The following WWOX variants were observed in gnomAD, a reference collection of about 807,000 sequenced individuals.
The protein encoded by WWOX is WW domain containing oxidoreductase.
A neutral mutation model predicts 46.2 loss-of-function variants in WWOX; 69 were observed. That is an observed-to-expected ratio of 1.49 (90% CI 1.23 to 1.82). The LOEUF (loss-of-function observed/expected upper bound fraction) is 1.82, where lower values mean the gene tolerates loss of function less well. Ranked by LOEUF, WWOX falls within the 40% of genes most tolerant of loss-of-function variation. The pLI is 0.00. For synonymous variants in WWOX, 359 were observed against 202.6 expected (o/e 1.77, Z -6.56); for missense variants, 919 against 542.6 (o/e 1.69, Z -6.89).
intron 5 of WWOX, among the ~76,000 whole-genome samples, chr16:78,193,509 C>A (rs1213482478): frequency 6.1e-5 from 1 of 16,458 alleles, no homozygotes; most frequent in African/African-American, 5.9e-4. Flanking sequence ...TCAGTCACCC[C>A]ATTAACCACA....
intron 8 of WWOX, among the ~76,000 whole-genome samples, chr16:78,461,484 A>G (rs2083947903): frequency 6.6e-6 from 1 of 152,236 alleles, no homozygotes; most frequent in African/African-American, 2.4e-5. Flanking sequence ...CATAGGTGGG[A>G]CTGCTGATCT....
intron 5 of WWOX, among the ~76,000 whole-genome samples, chr16:78,265,626 TGA>T (rs2079345914): frequency 2.7e-5 from 4 of 150,892 alleles, no homozygotes; most frequent in Admixed American, 6.6e-5. Context: ...TGCAGTCAGC[TGA>T]GATTGTGCCG....
chr16:78,441,815 G>A (rs955691673), intron 8 of WWOX, among the ~76,000 whole-genome samples: 2 of 152,008 alleles, frequency 1.3e-5, no homozygotes, highest in Non-Finnish European at 2.9e-5. Flanking sequence ...TATTGTTATT[G>A]GCTTGCAGTA....
At chr16:78,476,962 A>T (rs2667554) in intron 8 of WWOX, among the ~76,000 whole-genome samples, 1 of 146,888 alleles carries the variant, frequency 6.8e-6, no homozygotes. Flanking sequence ...CCTCTTTTTC[A>T]CCCTTTTATT....
chr16:78,588,934 C>G (rs116488637), intron 8 of WWOX, among the ~76,000 whole-genome samples: 3 of 152,194 alleles, frequency 2.0e-5, no homozygotes, highest in African/African-American at 7.2e-5. Flanking sequence ...CAGTTCCCTC[C>G]TTTGTTTCTT....
intron 8 of WWOX, among the ~76,000 whole-genome samples, chr16:78,846,886 G>C (rs1020794000): frequency 6.6e-6 from 1 of 152,156 alleles, no homozygotes; most frequent in African/African-American, 2.4e-5. Flanking sequence ...ATGGAAGGCT[G>C]TTTCTTCTTC....
intron 8 of WWOX, among the ~76,000 whole-genome samples, chr16:78,519,709 C>G (rs951315360): frequency 6.6e-6 from 1 of 151,978 alleles, no homozygotes; most frequent in Non-Finnish European, 1.5e-5. Context: ...CTTTATAAAA[C>G]AGACCCAAGA....
At chr16:78,543,298 C>G (rs1316643702) in intron 8 of WWOX, among the ~76,000 whole-genome samples, 6 of 152,158 alleles carry the variant, frequency 3.9e-5, no homozygotes, top group East Asian at 1.9e-4. Flanking sequence ...CTAGGCCAGT[C>G]ACGTGGCCCT....
intron 6 of WWOX, among the ~76,000 whole-genome samples, chr16:78,411,668 T>G (rs1226178013): frequency 6.6e-6 from 1 of 152,200 alleles, no homozygotes; most frequent in Non-Finnish European, 1.5e-5. Context: ...AGTATTTTAA[T>G]AAGTTTAACT....
chr16:78,157,936 C>G (rs2151728607), intron 4 of WWOX, among the ~76,000 whole-genome samples: 1 of 152,332 alleles, frequency 6.6e-6, no homozygotes, highest in African/African-American at 2.4e-5. Flanking sequence ...TTTCCACCTA[C>G]TATGATTATG....
chr16:78,533,282 C>T (rs992924647), intron 8 of WWOX, among the ~76,000 whole-genome samples: 1 of 152,018 alleles, frequency 6.6e-6, no homozygotes, highest in Admixed American at 6.6e-5. Context: ...GTGGCTCATG[C>T]CTGTAATCCC....
At chr16:78,982,366 T>G (rs987147021) in intron 8 of WWOX, among the ~76,000 whole-genome samples, 4 of 152,176 alleles carry the variant, frequency 2.6e-5, no homozygotes, top group Non-Finnish European at 5.9e-5. Context: ...AAAAGAGTCA[T>G]AGTACAGCGT....
Position 78,637,816 on chromosome 16 carries a change from C to T in WWOX, c.1056+205064C>T, listed in dbSNP as rs536903107. On this transcript the variant is annotated intron_variant, in intron 8 of 8. Transcript: ENST00000566780. ...GGGCCTGGGTAACATTGTCCCAGGC[C>T]AGGGCCTATTGTGTTGTGTGTGTCT... Among the ~76,000 whole-genome samples, 7 of 152,222 alleles carry T rather than the reference C, an allele frequency of 4.6e-5. No individual in the cohort carries two copies. The East Asian group carries it at 1.4e-3, about 30-fold the overall frequency.
chr16:78,409,785 G>A (rs538824782), intron 6 of WWOX, among the ~76,000 whole-genome samples: 3 of 152,184 alleles, frequency 2.0e-5, no homozygotes, highest in Non-Finnish European at 4.4e-5. Flanking sequence ...GCTTCTAAAG[G>A]TCACCCACAA....
rs77279002 is a variant in WWOX, at chr16:79,080,245, G to C, written c.1057-131363G>C. On this transcript the variant is annotated intron_variant, in intron 8 of 8. Transcript: ENST00000566780. ...TGGGAGGGGTGACACTAGCGATAGA[G>C]ACAGAAACCCACACAGGAGTCCTTT... Among the ~76,000 whole-genome samples, 1,078 of 152,300 alleles carry C rather than the reference G, an allele frequency of 7.1e-3. 9 individuals are homozygous for C. The highest frequency in any genetic ancestry group is 0.021 in the African/African-American group (893 of 41,564).
intron 8 of WWOX, among the ~76,000 whole-genome samples, chr16:79,078,759 CT>C (rs1194773181): frequency 6.6e-6 from 1 of 152,208 alleles, no homozygotes; most frequent in Non-Finnish European, 1.5e-5. Context: ...TCTGGTCCAT[CT>C]TTTAGAATGT....
intron 8 of WWOX, among the ~76,000 whole-genome samples, chr16:78,452,657 A>G (rs2083721003): frequency 6.6e-6 from 1 of 150,510 alleles, no homozygotes; most frequent in African/African-American, 2.4e-5. Flanking sequence ...TATGTTTTTA[A>G]TAGAGACTAG....
Position 78,104,920 on chromosome 16 carries a change from ACTT to A in WWOX, c.108-3498_108-3496del, listed in dbSNP as rs1327714943. 1.3e-4 allele frequency among the ~76,000 whole-genome samples: 20 copies of A among 152,328 alleles called. 1 individual carries two copies. Among genetic ancestry groups the A allele is most frequent in the African/African-American group, 4.6e-4 (19 of 41,578 alleles). ...GGAAACTGAGGCATGGGATTAAATG[ACTT>A]CTTCAAGGGCAGAGTGGCTGGCAAA... On this transcript the variant is annotated intron_variant, in intron 1 of 8. Transcript: ENST00000566780.
chr16:78,581,328 G>T (rs2045047235), intron 8 of WWOX, among the ~76,000 whole-genome samples: 1 of 152,046 alleles, frequency 6.6e-6, no homozygotes, highest in African/African-American at 2.4e-5. Flanking sequence ...TGAGAAAATG[G>T]GTTAGCATAA....
Sources: gnomAD v4.1 joint callset for allele counts (sites outside exome capture counted in the v4.1 genomes callset) on GRCh38, gnomAD v4.1.1 for gene constraint, MANE v1.5 for transcripts, NCBI Gene and HGNC (gene_info 2026-07-23, HGNC 2026-07-21) for gene names.